ERBB4: variants seen among roughly 807,000 people sequenced by gnomAD.
The protein encoded by ERBB4 is receptor tyrosine-protein kinase erbB-4.
Under a neutral mutation model 158.0 loss-of-function variants are expected in ERBB4, and 42 were observed. That is an observed-to-expected ratio of 0.27 (90% CI 0.21 to 0.34). ERBB4 has a LOEUF of 0.34. ERBB4 is among the 10% of genes least tolerant of loss of function. The probability of loss-of-function intolerance (pLI) is 1.00; values close to 1 mark genes in which losing one functional copy is unlikely to be tolerated. For synonymous variants in ERBB4, 583 were observed against 558.7 expected (o/e 1.04, Z -0.61); for missense variants, 1,333 against 1,624.1 (o/e 0.82, Z 3.08).
intron 1 of ERBB4, among the ~76,000 whole-genome samples, chr2:212,230,758 A>G (rs906174938): frequency 6.6e-6 from 1 of 152,192 alleles, no homozygotes; most frequent in Admixed American, 6.5e-5. Flanking sequence ...ATCTACTGAC[A>G]TAACTATTTA....
At chr2:212,235,289 T>G (rs756827394) in intron 1 of ERBB4, among the ~76,000 whole-genome samples, 10 of 152,188 alleles carry the variant, frequency 6.6e-5, no homozygotes, top group Admixed American at 2.0e-4. Context: ...TGATTGTATA[T>G]GTGTGGCATT....
chr2:211,978,363 A>AGACT, intron 2 of ERBB4, among the ~76,000 whole-genome samples: 1 of 135,270 alleles, frequency 7.4e-6, no homozygotes, highest in African/African-American at 2.8e-5. Flanking sequence ...AAGGAGTCTG[A>AGACT]GTCTGTCTGT....
chr2:211,513,811 A>G (rs1466168285), intron 20 of ERBB4, among the ~76,000 whole-genome samples: 2 of 152,030 alleles, frequency 1.3e-5, no homozygotes, highest in East Asian at 3.9e-4. Flanking sequence ...GATGAGGATA[A>G]TAGCTAAGGT....
At chr2:212,299,760 A>G (rs529241069) in intron 1 of ERBB4, among the ~76,000 whole-genome samples, 18 of 151,658 alleles carry the variant, frequency 1.2e-4, no homozygotes, top group Non-Finnish European at 2.4e-4. Flanking sequence ...ACCAAACAGC[A>G]GTCTGTTGTT....
chr2:212,491,436 T>A (rs2054618), intron 1 of ERBB4, among the ~76,000 whole-genome samples: 1 of 151,674 alleles, frequency 6.6e-6, no homozygotes, highest in Non-Finnish European at 1.5e-5. Context: ...TAACATGTTG[T>A]TTAATTTGTG....
chr2:211,564,893 A>G (rs1029030522), intron 19 of ERBB4, among the ~76,000 whole-genome samples: 2 of 152,354 alleles, frequency 1.3e-5, no homozygotes, highest in African/African-American at 4.8e-5. Flanking sequence ...CTTAAAATAC[A>G]TTAAGAAAGT....
chr2:211,989,725 T>C (rs2082025090), intron 2 of ERBB4, among the ~76,000 whole-genome samples: 1 of 152,046 alleles, frequency 6.6e-6, no homozygotes, highest in Admixed American at 6.6e-5. Context: ...CTAATCATAT[T>C]CCATTCAATG....
chr2:212,179,766 A>G (rs546583229), intron 1 of ERBB4, among the ~76,000 whole-genome samples: 1 of 151,770 alleles, frequency 6.6e-6, no homozygotes, highest in South Asian at 2.1e-4. Context: ...TCCAAGGAAA[A>G]TGTACCAATT....
intron 7 of ERBB4, 33 bp downstream of exon 7, chr2:211,722,360 A>C (rs1158652436): frequency 1.3e-6 from 2 of 1,547,842 alleles, no homozygotes; most frequent in African/African-American, 1.4e-5. Context: ...ATAATGACCT[A>C]ATTAATTTGG....
intron 4 of ERBB4, among the ~76,000 whole-genome samples, chr2:211,754,815 C>T (rs1007854288): frequency 1.3e-5 from 2 of 152,044 alleles, no homozygotes; most frequent in Non-Finnish European, 2.9e-5. Context: ...ATTCTCCTGC[C>T]TTAGCCTCCC....
chr2:211,508,455 T>C (rs556008710), intron 20 of ERBB4, among the ~76,000 whole-genome samples: 1 of 152,218 alleles, frequency 6.6e-6, no homozygotes, highest in Admixed American at 6.5e-5. Context: ...AGAATGGTGA[T>C]TATTAAAAAG....
chr2:212,439,451 T>C (rs1205418071), intron 1 of ERBB4, among the ~76,000 whole-genome samples: 2 of 152,094 alleles, frequency 1.3e-5, no homozygotes, highest in African/African-American at 4.8e-5. Flanking sequence ...CTAGAAGACA[T>C]CCATTGGTTA....
chr2:212,465,548 A>G (rs1271610830), intron 1 of ERBB4, among the ~76,000 whole-genome samples: 1 of 152,182 alleles, frequency 6.6e-6, no homozygotes, highest in Non-Finnish European at 1.5e-5. Flanking sequence ...TTAGTAAGCA[A>G]ATTACCTAGG....
At chr2:211,443,875 A>C (rs935969392) in intron 20 of ERBB4, among the ~76,000 whole-genome samples, 1 of 152,110 alleles carries the variant, frequency 6.6e-6, no homozygotes, top group African/African-American at 2.4e-5. Flanking sequence ...GTAAAACTCA[A>C]TGTTGATAGT....
At chr2:212,376,574 A>C (rs2090329395) in intron 1 of ERBB4, among the ~76,000 whole-genome samples, 1 of 151,988 alleles carries the variant, frequency 6.6e-6, no homozygotes, top group Non-Finnish European at 1.5e-5. Context: ...TGAGCATTTC[A>C]ATGGGAAATC....
intron 1 of ERBB4, among the ~76,000 whole-genome samples, chr2:212,208,485 C>T (rs1355677983): frequency 1.3e-5 from 2 of 151,924 alleles, no homozygotes; most frequent in Admixed American, 6.6e-5. Context: ...ATAAACAGGG[C>T]TAAGGCAAGA....
At chr2:212,235,522 T>C (rs2083834869) in intron 1 of ERBB4, among the ~76,000 whole-genome samples, 1 of 152,202 alleles carries the variant, frequency 6.6e-6, no homozygotes, top group Non-Finnish European at 1.5e-5. Context: ...AATGGTAGCT[T>C]GATGGGGATG....
At chr2:212,499,598 G>A (rs528463753) in intron 1 of ERBB4, among the ~76,000 whole-genome samples, 1 of 152,208 alleles carries the variant, frequency 6.6e-6, no homozygotes, top group South Asian at 2.1e-4. Flanking sequence ...TGGAGATAAA[G>A]GTACTGGTAT....
intron 2 of ERBB4, among the ~76,000 whole-genome samples, chr2:212,084,734 T>C (rs995497356): frequency 5.3e-5 from 8 of 151,974 alleles, no homozygotes; most frequent in Non-Finnish European, 8.8e-5. Context: ...TCTAACCTAG[T>C]TCACATATGT....
Sources: allele counts gnomAD v4.1 joint callset (sites outside exome capture counted in the v4.1 genomes callset), GRCh38; gene constraint gnomAD v4.1.1; transcripts MANE v1.5; gene names NCBI Gene and HGNC (gene_info 2026-07-23, HGNC 2026-07-21).